TNKS1BP1: variants seen among roughly 807,000 people sequenced by gnomAD.
TNKS1BP1 encodes 182 kDa tankyrase-1-binding protein.
Under a neutral mutation model 141.1 loss-of-function variants are expected in TNKS1BP1, and 48 were observed. The ratio of observed to expected loss-of-function variants is 0.34; its 90% CI spans 0.27 to 0.43. TNKS1BP1 has a LOEUF of 0.43. TNKS1BP1 is among the 20% of genes least tolerant of loss of function. The pLI is 1.00. For synonymous variants in TNKS1BP1, 875 were observed against 898.2 expected, an observed-to-expected ratio of 0.97 and a Z score of 0.46; for missense variants, 2,149 against 2,226.0, an observed-to-expected ratio of 0.97 and a Z score of 0.70.
chr11:57,324,909 C>CTACCGCCGCCGCCGCCGCCGT lies in TNKS1BP1; in HGVS notation c.-156_-136dup, dbSNP rs1855945986. The CTACCGCCGCCGCCGCCGCCGT allele has an allele frequency of 1.0e-6, 1 of 983,836 alleles. No homozygotes were observed. Among genetic ancestry groups the CTACCGCCGCCGCCGCCGCCGT allele is most frequent in the Non-Finnish European group, 1.2e-6 (1 of 828,074 alleles). The allele number at this position is 983,836 out of a possible 1,614,324, so 60.9% of individuals were successfully genotyped here. On this transcript the variant is annotated 5_prime_UTR_variant, in exon 1 of 12. Transcript: ENST00000358252. Reference sequence around the variant, plus strand: ...CCAGTCCCCGCCGCCGCCGCCGCTGCTACCGCCGCCGCCGCCGCCGTCACC... The same window carrying CTACCGCCGCCGCCGCCGCCGT: ...CCAGTCCCCGCCGCCGCCGCCGCTGCTACCGCCGCCGCCGCCGCCGTTACCGCCGCCGCCGCCGCCGTCACC...
chr11:57,321,744 T>TGCCACCCCCCG, intron 2 of TNKS1BP1, 48 bp downstream of exon 2: 2 of 1,039,818 alleles, frequency 1.9e-6, no homozygotes, highest in Non-Finnish European at 3.0e-6. Context: ...CCTCTGTCCT[T>TGCCACCCCCCG]CCCACCCCCC....
At position 57,302,833 on chromosome 11, in the gene TNKS1BP1, G is replaced by T. The variant is rs1375257560; in HGVS notation, c.4317-8C>A. The T allele has an allele frequency of 6.6e-7, 1 of 1,520,780 alleles. No individual in the cohort carries two copies. The highest frequency in any genetic ancestry group is 8.8e-7 in the Non-Finnish European group (1 of 1,137,268). 94.2% of individuals were successfully genotyped at this position (1,520,780 alleles called of 1,614,324 possible). A position where few individuals can be genotyped will look rare whatever the true frequency, so the allele number is the denominator to read the frequency against. On this transcript the variant is annotated splice_region_variant and splice_polypyrimidine_tract_variant and intron_variant, in intron 6 of 11. Transcript: ENST00000358252. The surrounding 1 kb of genome is among the most constrained non-coding windows in gnomAD (Gnocchi z 5.5). ...GCCGGGCACCTGCCAGGGCTGTAAA[G>T]GGGACAGAGAGAGAACGAGATCATC...
chr11:57,316,569 C>T (rs1261551991), intron 4 of TNKS1BP1, among the ~76,000 whole-genome samples: 2 of 152,192 alleles, frequency 1.3e-5, no homozygotes, highest in East Asian at 3.9e-4. Context: ...CTCATCCTTC[C>T]GGTTGCTCAG....
intron 4 of TNKS1BP1, among the ~76,000 whole-genome samples, chr11:57,315,931 A>C (rs1855792783): frequency 6.6e-6 from 1 of 151,828 alleles, no homozygotes. Context: ...AAACTGCTCT[A>C]ATTTCTTCTG....
At chr11:57,320,846 C>A (rs1480922269) in intron 2 of TNKS1BP1, 134 bp from the exon 3 acceptor site, 3 of 1,048,146 alleles carry the variant, frequency 2.9e-6, no homozygotes, top group Admixed American at 3.3e-5. Flanking sequence ...AAGTCATATG[C>A]CACCTCTTCC....
rs553288571 is a variant in TNKS1BP1 at position 57,309,275 on chromosome 11, C to G, written c.3436G>C (p.Gly1146Arg). The G allele has an allele frequency of 6.2e-7, 1 of 1,614,186 alleles. No homozygotes were observed. The highest frequency in any genetic ancestry group is 1.3e-5 in the African/African-American group (1 of 75,058). ...GFSPSSKMEGGHFVPPGKTTA... is the reference protein window; with the variant it reads ...GFSPSSKMEGRHFVPPGKTTA... The stretch of plus-strand genomic sequence containing the variant: ...GTCTTCCCAGGAGGCACAAAGTGAC[C>G]ACCTTCCATCTTGCTAGAAGGGCTA... Residue 1146 changes from glycine to arginine, a missense_variant, in exon 6 of 12, where the codon GGT becomes CGT. Physicochemically the swap from Gly to Arg is moderately radical, Grantham distance 125. Coordinates refer to ENST00000358252, the MANE Select transcript of TNKS1BP1 (RefSeq NM_033396.3). The surrounding 1 kb of genome is among the most constrained non-coding windows in gnomAD (Gnocchi z 4.3).
rs529684200 is a variant in TNKS1BP1 at position 57,302,331 on chromosome 11, G to A, written c.4684-107C>T. On this transcript the variant is annotated intron_variant, in intron 7 of 11. Transcript: ENST00000358252. The surrounding 1 kb of genome is among the most constrained non-coding windows in gnomAD (Gnocchi z 5.5). ...ACCCCTCCTGCAGCCGGAGCTTCAC[G>A]TTCACGTGACGCACCTACAACCCGC... The A allele has an allele frequency of 4.5e-5, 69 of 1,538,980 alleles. No homozygotes were observed. The East Asian group carries it at 8.9e-4, about 20-fold the overall frequency.
chr11:57,306,485 TCACAGACTGGTATTCTTTAGGA>T (rs1416974072), intron 6 of TNKS1BP1, among the ~76,000 whole-genome samples: 1 of 152,180 alleles, frequency 6.6e-6, no homozygotes, highest in Non-Finnish European at 1.5e-5. Flanking sequence ...CCAAACATAT[TCACAGACTGGTATTCTTTAGGA>T]CACATTTTAG....
Position 57,309,309 on chromosome 11 carries a change from A to T in TNKS1BP1, c.3402T>A (p.Gly1134=). 6.2e-7 allele frequency: 1 copy of T among 1,614,146 alleles called. No individual in the cohort carries two copies. The highest frequency in any genetic ancestry group is 8.5e-7 in the Non-Finnish European group (1 of 1,180,030). The change falls in exon 6 of 12, where the codon GGT becomes GGA. Residue 1134 remains glycine (G), a synonymous_variant. Transcript: ENST00000358252. The surrounding 1 kb of genome is among the most constrained non-coding windows in gnomAD (Gnocchi z 4.3). ...TCTTGCTAGAAGGGCTAAAGCCAGC[A>T]CCACTCACTCTGTCGTTGCCAATGA... is the stretch of plus-strand genomic sequence containing the variant. ...FGIIGNDRVS[G]AGFSPSSKME...
intron 10 of TNKS1BP1, 114 bp from the exon 11 acceptor site, chr11:57,300,714 TG>T: frequency 6.6e-7 from 1 of 1,509,222 alleles, no homozygotes; most frequent in Non-Finnish European, 9.1e-7. Flanking sequence ...GTCTGGGGCC[TG>T]GCTGCAGGGA....
At chr11:57,323,654 G>C (rs112884756) in intron 1 of TNKS1BP1, among the ~76,000 whole-genome samples, 2 of 152,140 alleles carry the variant, frequency 1.3e-5, no homozygotes, top group African/African-American at 4.8e-5. Context: ...TCAACCCATT[G>C]GTCAGTTAAC....
Position 57,320,181 on chromosome 11 carries a change from C to T in TNKS1BP1, c.626G>A (p.Arg209Lys), listed in dbSNP as rs1364439832. 1 of 1,614,204 alleles carries T rather than the reference C, an allele frequency of 6.2e-7. No individual in the cohort carries two copies. The highest frequency in any genetic ancestry group is 8.5e-7 in the Non-Finnish European group (1 of 1,180,042). ...GAAGAGGGTGCTGCCATCCTCATCC[C>T]TGGGAGCAGTGGTCGTGCCATAGGT... The part of the protein sequence containing the change: ...PRTYGTTTAP[R>K]DEDGSTLFRG... The change falls in exon 3 of 12, where the codon AGG becomes AAG. Residue 209 changes from arginine (R) to lysine (K), a missense_variant. Transcript: ENST00000358252.
chr11:57,317,719 T>C, intron 4 of TNKS1BP1, 99 bp downstream of exon 4: 1 of 1,285,218 alleles, frequency 7.8e-7, no homozygotes, highest in Non-Finnish European at 1.1e-6. Context: ...TGGGCCTCAG[T>C]TTCCCCATCT....
chr11:57,313,780 T>C lies in TNKS1BP1; in HGVS notation c.908A>G (p.His303Arg). Residue 303 changes from histidine to arginine, a missense_variant, in exon 5 of 12, where the codon CAT becomes CGT. His to Arg is a conservative substitution (Grantham distance 29). Coordinates refer to ENST00000358252, the MANE Select transcript of TNKS1BP1 (RefSeq NM_033396.3). ...EASGSGPGSP[H>R]LHPPDKSSPC... is the part of the protein sequence containing the mutation. ...AGAACTCTTATCAGGCGGGTGAAGA[T>C]GGGGAGAGCCAGGGCCTGAGCCTGA... 6.3e-7 allele frequency: 1 copy of C among 1,596,900 alleles called. No individual in the cohort carries two copies. The highest frequency in any genetic ancestry group is 8.5e-7 in the Non-Finnish European group (1 of 1,172,350).
In TNKS1BP1 at chr11:57,308,759, T is replaced by G; in HGVS notation, c.3952A>C (p.Arg1318=). Residue 1318 remains arginine (R), a synonymous_variant, in exon 6 of 12, where the codon AGG becomes CGG. Transcript: ENST00000358252. ...GGGTCACAGGTCACCTCCAAATCCCTCAGGCCCAGATTGTTACCCCAGTCC... is the reference window on the plus strand; with the variant it reads ...GGGTCACAGGTCACCTCCAAATCCCGCAGGCCCAGATTGTTACCCCAGTCC... ...QMDWGNNLGL[R]DLEVTCDPDS... The G allele has an allele frequency of 6.2e-7, 1 of 1,613,924 alleles. No homozygotes were observed. Among genetic ancestry groups the G allele is most frequent in the Non-Finnish European group, 8.5e-7 (1 of 1,179,976 alleles).
rs1309559585 is a variant in TNKS1BP1, at chr11:57,309,643, CCT to C, written c.3066_3067del (p.Gly1023IlefsTer8). 6.8e-6 allele frequency: 11 copies of C among 1,614,210 alleles called. No homozygotes were observed. The highest frequency in any genetic ancestry group is 9.3e-6 in the Non-Finnish European group (11 of 1,180,044). On this transcript the variant is annotated frameshift_variant, in exon 6 of 12. Transcript: ENST00000358252. LOFTEE classifies it high-confidence loss of function. The surrounding 1 kb of genome is among the most constrained non-coding windows in gnomAD (Gnocchi z 4.3). ...GCTAGGACTGAACAAGCCCCCGGATCCTCTCTCTCCTGGCCGGCCAGCATCCC... is the reference window on the plus strand; with the variant it reads ...GCTAGGACTGAACAAGCCCCCGGATCCTCTCTCCTGGCCGGCCAGCATCCC...
rs1855538724 is a variant in TNKS1BP1, at chr11:57,302,397, G to A, written c.4683+62C>T. On this transcript the variant is annotated intron_variant, in intron 7 of 11. Transcript: ENST00000358252. This position sits in a 1 kb window ranked among gnomAD's most constrained non-coding sequence, Gnocchi z 5.5. Reference sequence around the variant, plus strand: ...CTGGGACTGCTCAGGGAAGCTCCAGGAATGGGGCTCTCGCTGCATCGCCCT... The same window carrying A: ...CTGGGACTGCTCAGGGAAGCTCCAGAAATGGGGCTCTCGCTGCATCGCCCT... The A allele has an allele frequency of 6.5e-7, 1 of 1,546,454 alleles. No homozygotes were observed. Among genetic ancestry groups the A allele is most frequent in the African/African-American group, 1.4e-5 (1 of 73,700 alleles).
At chr11:57,314,418 G>A (rs940328065) in intron 4 of TNKS1BP1, among the ~76,000 whole-genome samples, 1 of 152,214 alleles carries the variant, frequency 6.6e-6, no homozygotes, top group African/African-American at 2.4e-5. Context: ...TGCCAAGGAA[G>A]CAGGAAGGCT....
intron 1 of TNKS1BP1, 124 bp downstream of exon 1, chr11:57,324,716 C>T (rs1267843113): frequency 1.1e-6 from 1 of 914,208 alleles, no homozygotes; most frequent in Non-Finnish European, 1.3e-6. Context: ...TTCCTGGTGA[C>T]CCCCCGACCA....
Sources: allele counts gnomAD v4.1 joint callset (sites outside exome capture counted in the v4.1 genomes callset), GRCh38; gene constraint gnomAD v4.1.1; non-coding constraint Gnocchi (gnomAD v3.1); transcripts MANE v1.5; gene names NCBI Gene and HGNC (gene_info 2026-07-23, HGNC 2026-07-21).